NXPE2: variants seen among roughly 807,000 people sequenced by gnomAD.
NXPE2 encodes the protein NXPE family member 2.
A neutral mutation model predicts 34.4 loss-of-function variants in NXPE2; 34 were observed. The ratio of observed to expected loss-of-function variants is 0.99; its 90% CI spans 0.75 to 1.31. The LOEUF is 1.31. NXPE2 is among the 40% of genes most tolerant of loss of function. The pLI, the probability that NXPE2 is intolerant of heterozygous loss-of-function variation, is 0.00. For missense variants in NXPE2, 649 were observed against 672.5 expected, an observed-to-expected ratio of 0.97 and a Z score of 0.39; for synonymous variants, 235 against 231.3, an observed-to-expected ratio of 1.02 and a Z score of -0.15.
chr11:114,652,628 G>A, the NXPE2 span, among the ~76,000 whole-genome samples: 1 of 152,184 alleles, frequency 6.6e-6, no homozygotes, highest in Admixed American at 6.5e-5. Context: ...TCATCAGGAG[G>A]TAATAAAGTC....
At chr11:114,775,100 C>A in the NXPE2 span, among the ~76,000 whole-genome samples, 1 of 152,208 alleles carries the variant, frequency 6.6e-6, no homozygotes, top group Admixed American at 6.5e-5. Context: ...AGTGGGTCCG[C>A]TCTGGGGGAC....
the NXPE2 span, among the ~76,000 whole-genome samples, chr11:114,654,071 G>A: frequency 6.6e-6 from 1 of 152,142 alleles, no homozygotes; most frequent in South Asian, 2.1e-4. Context: ...GATACAAAGT[G>A]GTGAAGGTAT....
At chr11:114,551,524 G>T in the NXPE2 span, 2 of 566,456 alleles carry the variant, frequency 3.5e-6, no homozygotes, top group Non-Finnish European at 4.6e-6. Context: ...CAATTACAAT[G>T]AGAAGCAGAA....
the NXPE2 span, among the ~76,000 whole-genome samples, chr11:114,651,609 TCCATTTTACAGAGCACTGATTGGC>T: frequency 3.7e-4 from 56 of 152,308 alleles, no homozygotes; most frequent in African/African-American, 1.3e-3. Context: ...TACTGATTGG[TCCATTTTACAGAGCACTGATTGGC>T]CCATTTTACA....
chr11:114,663,831 A>G, the NXPE2 span, among the ~76,000 whole-genome samples: 1 of 152,132 alleles, frequency 6.6e-6, no homozygotes, highest in African/African-American at 2.4e-5. Flanking sequence ...TCCAGAAAAG[A>G]TATGAGCATA....
the NXPE2 span, among the ~76,000 whole-genome samples, chr11:114,597,564 T>A: frequency 4.6e-5 from 7 of 152,178 alleles, no homozygotes; most frequent in Non-Finnish European, 1.0e-4. Flanking sequence ...ATTTTCAAGC[T>A]CTGTCCATAG....
At chr11:114,530,227 G>T in the NXPE2 span, 1 of 1,613,764 alleles carries the variant, frequency 6.2e-7, no homozygotes, top group Non-Finnish European at 8.5e-7. Context: ...TCTCTATTCC[G>T]GGTGGTCATG....
chr11:114,746,721 C>T, the NXPE2 span, among the ~76,000 whole-genome samples: 8 of 151,990 alleles, frequency 5.3e-5, no homozygotes, highest in African/African-American at 9.7e-5. Flanking sequence ...CTTCCTGGCC[C>T]GCGCCTGTAG....
chr11:114,633,464 T>A, the NXPE2 span, among the ~76,000 whole-genome samples: 5 of 148,592 alleles, frequency 3.4e-5, no homozygotes, highest in Admixed American at 6.9e-5. Context: ...TTCTTTTTTT[T>A]ATTTTAGTAT....
intron 4 of NXPE2, among the ~76,000 whole-genome samples, chr11:114,704,588 A>G (rs1424712760): frequency 1.3e-5 from 2 of 152,258 alleles, no homozygotes; most frequent in Non-Finnish European, 2.9e-5. Context: ...AAATGAAGTG[A>G]ATTTCAAAAT....
the NXPE2 span, among the ~76,000 whole-genome samples, chr11:114,468,840 C>G: frequency 6.6e-6 from 1 of 152,094 alleles, no homozygotes; most frequent in Non-Finnish European, 1.5e-5. Flanking sequence ...AAGTAACTTG[C>G]CCAGTTCATA....
chr11:114,484,481 C>T, the NXPE2 span, among the ~76,000 whole-genome samples: 16 of 152,214 alleles, frequency 1.1e-4, no homozygotes, highest in East Asian at 2.1e-3. Flanking sequence ...CTCTAGGTAG[C>T]GGGAATGCCA....
At chr11:114,591,633 G>A in the NXPE2 span, among the ~76,000 whole-genome samples, 1 of 152,160 alleles carries the variant, frequency 6.6e-6, no homozygotes, top group South Asian at 2.1e-4. Context: ...CCAGCCCTCA[G>A]GATGACTACA....
chr11:114,538,267 C>A, the NXPE2 span, among the ~76,000 whole-genome samples: 1 of 152,152 alleles, frequency 6.6e-6, no homozygotes, highest in East Asian at 1.9e-4. Context: ...ACACCTTATA[C>A]AAAAATTAAT....
the NXPE2 span, among the ~76,000 whole-genome samples, chr11:114,736,211 A>T: frequency 6.6e-6 from 1 of 152,182 alleles, no homozygotes; most frequent in Non-Finnish European, 1.5e-5. Flanking sequence ...TTATCAGGAG[A>T]CAGGGTTTGA....
the NXPE2 span, among the ~76,000 whole-genome samples, chr11:114,727,521 CTTTTA>C: frequency 5.1e-4 from 78 of 151,838 alleles, no homozygotes; most frequent in Non-Finnish European, 9.4e-4. Flanking sequence ...TTTGAAGTTA[CTTTTA>C]TTTTATATTT....
chr11:114,576,932 C>G, the NXPE2 span, among the ~76,000 whole-genome samples: 1 of 148,140 alleles, frequency 6.8e-6, no homozygotes, highest in South Asian at 2.1e-4. Context: ...AATAAGGAAC[C>G]AGCCCAAATG....
chr11:114,617,589 C>A, the NXPE2 span, among the ~76,000 whole-genome samples: 5 of 152,114 alleles, frequency 3.3e-5, no homozygotes, highest in Non-Finnish European at 7.4e-5. Flanking sequence ...ACCGGTGTTA[C>A]CCGGTGCATA....
At chr11:114,651,543 C>T in the NXPE2 span, among the ~76,000 whole-genome samples, 1 of 152,202 alleles carries the variant, frequency 6.6e-6, no homozygotes, top group African/African-American at 2.4e-5. Flanking sequence ...GAAAAGATTG[C>T]CACTGCTGGC....
Sources: gnomAD v4.1 joint callset for allele counts (sites outside exome capture counted in the v4.1 genomes callset) on GRCh38, gnomAD v4.1.1 for gene constraint, MANE v1.5 for transcripts, NCBI Gene and HGNC (gene_info 2026-07-23, HGNC 2026-07-21) for gene names.